Variants in GBF1 observed in about 807,000 individuals in gnomAD.
GBF1 encodes golgi brefeldin A resistant guanine nucleotide exchange factor 1, also known as Golgi-specific brefeldin A-resistance guanine nucleotide exchange factor 1.
A neutral mutation model predicts 210.5 loss-of-function variants in GBF1; 114 were observed. The observed-to-expected ratio is 0.54, with a 90% CI of 0.47 to 0.63. The LOEUF is 0.63. Among genes scored for constraint, GBF1 ranks in the 30% least tolerant of loss-of-function variants. The pLI is 0.00. For missense variants in GBF1, 1,851 were observed against 2,357.7 expected (o/e 0.79, Z 4.45); for synonymous variants, 850 against 889.2 (o/e 0.96, Z 0.78).
At chr10:102,359,950 G>A (rs866490711) in intron 11 of GBF1, among the ~76,000 whole-genome samples, 1 of 151,830 alleles carries the variant, frequency 6.6e-6, no homozygotes, top group Non-Finnish European at 1.5e-5. Context: ...ATCTTCTGTA[G>A]AGATGGGGTC....
chr10:102,381,252 TG>T lies in GBF1; in HGVS notation c.5300del (p.Cys1767LeufsTer28). ...AGAGATTCCATCTGAGCTGGGGGCC[TG>T]TGGTGAGTCTCTCTAGCCTAGCCTG... is the stretch of plus-strand genomic sequence containing the variant. ...PPEIPSELGA[C>X]DFEKPESPRA... On this transcript the variant is annotated frameshift_variant and splice_region_variant, in exon 39 of 40. Transcript: ENST00000369983. LOFTEE classifies it high-confidence loss of function. 1.2e-6 allele frequency: 2 copies of T among 1,613,472 alleles called. No individual in the cohort carries two copies. Among genetic ancestry groups the T allele is most frequent in the Non-Finnish European group, 1.7e-6 (2 of 1,179,788 alleles).
intron 3 of GBF1, among the ~76,000 whole-genome samples, chr10:102,320,950 C>T (rs2056332428): frequency 6.6e-6 from 1 of 151,934 alleles, no homozygotes; most frequent in South Asian, 2.1e-4. Flanking sequence ...TGTGCACCAC[C>T]ACGCCCGGCT....
At chr10:102,312,669 A>G (rs1304071791) in intron 3 of GBF1, among the ~76,000 whole-genome samples, 1 of 152,226 alleles carries the variant, frequency 6.6e-6, no homozygotes, top group Non-Finnish European at 1.5e-5. Context: ...TGGTGTTCCC[A>G]GACTATGAAA....
At chr10:102,244,767 G>A (rs752623531), upstream of GBF1, among the ~76,000 whole-genome samples, 33 of 152,266 alleles carry the variant, frequency 2.2e-4, no homozygotes, top group Non-Finnish European at 4.1e-4. Context: ...GAGACCCAGG[G>A]GTTCGTCTCT....
At chr10:102,303,969 C>T (rs2077620813) in intron 3 of GBF1, among the ~76,000 whole-genome samples, 1 of 151,840 alleles carries the variant, frequency 6.6e-6, no homozygotes, top group Non-Finnish European at 1.5e-5. Context: ...ATGGTCATAC[C>T]AGGACTGGGA....
the GBF1 span, among the ~76,000 whole-genome samples, chr10:102,232,480 C>G: frequency 6.6e-6 from 1 of 152,096 alleles, no homozygotes; most frequent in African/African-American, 2.4e-5. Flanking sequence ...GTCAGGAGTT[C>G]GAGACCAGCC....
At chr10:102,345,188 A>C (rs893874890) in intron 4 of GBF1, among the ~76,000 whole-genome samples, 3 of 151,460 alleles carry the variant, frequency 2.0e-5, no homozygotes, top group African/African-American at 7.3e-5. Context: ...AGGCTGAGGC[A>C]GGTGAATCGC....
rs2057320867 is a variant in GBF1 at position 102,331,361 on chromosome 10, GA to G, written c.164-12686del. Among the ~76,000 whole-genome samples, 4 of 152,084 alleles carry G rather than the reference GA, an allele frequency of 2.6e-5. No individual in the cohort carries two copies. In the South Asian group the frequency reaches 8.3e-4, roughly 32 times the overall value. On this transcript the variant is annotated intron_variant, in intron 3 of 39. Transcript: ENST00000369983. ...AGTACTTATCAGTGGCAGTTTTGGAGAAAATATAAAATTATGATTTCTAATC... is the reference window on the plus strand; with the variant it reads ...AGTACTTATCAGTGGCAGTTTTGGAGAAATATAAAATTATGATTTCTAATC...
intron 3 of GBF1, among the ~76,000 whole-genome samples, chr10:102,313,841 GT>G (rs1486703286): frequency 6.6e-6 from 1 of 152,140 alleles, no homozygotes; most frequent in Non-Finnish European, 1.5e-5. Context: ...ATTAATGCTG[GT>G]TGATTGGGAC....
chr10:102,321,326 C>T (rs1014628043), intron 3 of GBF1, among the ~76,000 whole-genome samples: 5 of 152,078 alleles, frequency 3.3e-5, no homozygotes, highest in Non-Finnish European at 2.9e-5. Flanking sequence ...AGTTGGCACT[C>T]ATAAATATTT....
At chr10:102,261,600 T>C (rs1350188635) in intron 3 of GBF1, among the ~76,000 whole-genome samples, 1 of 142,440 alleles carries the variant, frequency 7.0e-6, no homozygotes, top group Non-Finnish European at 1.5e-5. Context: ...CCCTACATAT[T>C]TTCTTTCTTT....
In GBF1 at chr10:102,376,927, C is replaced by G. The variant is rs751707192; in HGVS notation, c.4289-8C>G. On this transcript the variant is annotated splice_region_variant and splice_polypyrimidine_tract_variant and intron_variant, in intron 32 of 39. Coordinates refer to ENST00000369983, the MANE Select transcript of GBF1 (RefSeq NM_001377137.1). ...ACAGAAATGTGACCTGAGTCTGGCT[C>G]TGCTCAGGATGCAAGTCCCAGGAGA... The G allele has an allele frequency of 1.2e-6, 2 of 1,613,414 alleles. No individual in the cohort carries two copies. The highest frequency in any genetic ancestry group is 1.7e-6 in the Non-Finnish European group (2 of 1,179,380).
Position 102,379,347 on chromosome 10 carries a change from G to A in GBF1, c.4558G>A (p.Glu1520Lys), listed in dbSNP as rs368469834. Residue 1520 changes from glutamate to lysine, a missense_variant, in exon 34 of 40, where the codon GAG (glutamate) becomes AAG (lysine). Glu to Lys is a moderately conservative substitution (Grantham distance 56). Transcript: ENST00000369983. ...AASIYSSWAE[E>K]QRHLETGGQK... Reference sequence around the variant, plus strand: ...CTCTATCTACAGCTCATGGGCGGAGGAGCAACGCCACCTGGAGACAGGTGG... The same window carrying A: ...CTCTATCTACAGCTCATGGGCGGAGAAGCAACGCCACCTGGAGACAGGTGG... The A allele has an allele frequency of 6.2e-7, 1 of 1,613,958 alleles. No individual in the cohort carries two copies. Among genetic ancestry groups the A allele is most frequent in the Non-Finnish European group, 8.5e-7 (1 of 1,179,924 alleles).
rs2059917710 is a variant in GBF1 at position 102,366,509 on chromosome 10, G to A, written c.2433+3G>A. On this transcript the variant is annotated splice_donor_region_variant and intron_variant, in intron 19 of 39. Coordinates refer to ENST00000369983, the MANE Select transcript of GBF1 (RefSeq NM_001377137.1). This position sits in a 1 kb window ranked among gnomAD's most constrained non-coding sequence, Gnocchi z 4.0. ...AGGCATTCACAGAGCGTTGGATGGT[G>A]AGTTTGAGTGTCAGGGGCTGAGCCC... 6.2e-7 allele frequency: 1 copy of A among 1,611,750 alleles called. No individual in the cohort carries two copies. Among genetic ancestry groups the A allele is most frequent in the Non-Finnish European group, 8.5e-7 (1 of 1,178,488 alleles).
Position 102,361,906 on chromosome 10 carries a change from G to C in GBF1, c.1680G>C (p.Leu560=), listed in dbSNP as rs1267321062. ...SNLFEELTKL[L]SKNAFPVSGQ... is the part of the protein sequence containing the mutation. ...TCTTTGAGGAACTCACAAAGCTGCT[G>C]TCCAAGGTGCTGAGCACTATAACTG... The change falls in exon 14 of 40, where the codon CTG becomes CTC. Residue 560 remains leucine (L), a synonymous_variant. Transcript: ENST00000369983. The C allele has an allele frequency of 2.5e-6, 4 of 1,599,412 alleles. No homozygotes were observed. The highest frequency in any genetic ancestry group is 1.1e-5 in the South Asian group (1 of 89,000).
chr10:102,291,795 T>C (rs965144585), intron 3 of GBF1, among the ~76,000 whole-genome samples: 2 of 152,130 alleles, frequency 1.3e-5, no homozygotes, highest in African/African-American at 4.8e-5. Context: ...CTCCTTACCA[T>C]TGACAAAGGT....
the GBF1 span, chr10:102,232,083 A>G: frequency 6.3e-7 from 1 of 1,582,568 alleles, no homozygotes; most frequent in Admixed American, 1.7e-5. Context: ...AACTCCATGG[A>G]GGGAGGGCTC....
intron 1 of GBF1, among the ~76,000 whole-genome samples, chr10:102,253,595 C>G (rs1347029335): frequency 6.6e-6 from 1 of 152,042 alleles, no homozygotes; most frequent in Non-Finnish European, 1.5e-5. Context: ...CTCACTGCAG[C>G]CTTGACCTCC....
chr10:102,242,009 C>G (rs574238263), upstream of GBF1, among the ~76,000 whole-genome samples: 1 of 152,220 alleles, frequency 6.6e-6, no homozygotes, highest in Non-Finnish European at 1.5e-5. Context: ...TGTCTCTGTT[C>G]CAATCCTCCC....
Sources: gnomAD v4.1 joint callset for allele counts (sites outside exome capture counted in the v4.1 genomes callset) on GRCh38, gnomAD v4.1.1 for gene constraint, Gnocchi (gnomAD v3.1) non-coding constraint, MANE v1.5 for transcripts, NCBI Gene and HGNC (gene_info 2026-07-23, HGNC 2026-07-21) for gene names.